HDAC9: variants seen among roughly 807,000 people sequenced by gnomAD.
HDAC9 encodes histone deacetylase 9.
HDAC9 carries 41 observed loss-of-function variants against 139.4 expected under a neutral mutation model. That is an observed-to-expected ratio of 0.29 (90% CI 0.23 to 0.38). The LOEUF (loss-of-function observed/expected upper bound fraction) is 0.38, where lower values mean the gene tolerates loss of function less well. Ranked by LOEUF, HDAC9 falls within the 10% of genes least tolerant of loss-of-function variation. The pLI is 1.00. For synonymous variants in HDAC9, 517 were observed against 476.2 expected (o/e 1.09, Z -1.12); for missense variants, 1,147 against 1,297.0 (o/e 0.88, Z 1.78).
chr7:18,666,080 C>T (rs1454459990), intron 11 of HDAC9, 133 bp from the exon 12 acceptor site: 3 of 986,618 alleles, frequency 3.0e-6, no homozygotes, highest in Non-Finnish European at 2.9e-6. Flanking sequence ...TTGTTGCCTA[C>T]AAGTTCATTC....
At chr7:18,782,351 A>G (rs1245360272) in intron 16 of HDAC9, among the ~76,000 whole-genome samples, 1 of 152,162 alleles carries the variant, frequency 6.6e-6, no homozygotes, top group Non-Finnish European at 1.5e-5. Flanking sequence ...CATTTAGATT[A>G]TACAAAGGAG....
At chr7:18,429,754 A>G (rs142851187) in intron 1 of HDAC9, among the ~76,000 whole-genome samples, 2 of 152,360 alleles carry the variant, frequency 1.3e-5, no homozygotes, top group South Asian at 2.1e-4. Flanking sequence ...CTTTGAAACG[A>G]ATCATCGAAT....
At chr7:18,272,877 G>A (rs1031060026) in intron 2 of HDAC9, among the ~76,000 whole-genome samples, 1 of 151,296 alleles carries the variant, frequency 6.6e-6, no homozygotes, top group African/African-American at 2.4e-5. Context: ...AAAGAATAAA[G>A]TGGGAAGAAT....
At chr7:18,590,595 T>G in intron 4 of HDAC9, 109 bp downstream of exon 4, 2 of 1,111,284 alleles carry the variant, frequency 1.8e-6, no homozygotes, top group Non-Finnish European at 2.5e-6. Flanking sequence ...AAATTATCTG[T>G]GTTTAATTAA....
intron 12 of HDAC9, among the ~76,000 whole-genome samples, chr7:18,680,873 G>A (rs959322499): frequency 1.3e-5 from 2 of 151,886 alleles, no homozygotes; most frequent in African/African-American, 4.8e-5. Context: ...AATTTTGACT[G>A]TTTGTTTAAC....
chr7:18,912,242 T>C (rs1211974548), intron 22 of HDAC9, among the ~76,000 whole-genome samples: 1 of 152,114 alleles, frequency 6.6e-6, no homozygotes, highest in South Asian at 2.1e-4. Context: ...ACCAGCACTA[T>C]AGATGAGCGA....
chr7:18,728,492 G>A (rs1785749456), intron 13 of HDAC9, among the ~76,000 whole-genome samples: 1 of 151,946 alleles, frequency 6.6e-6, no homozygotes, highest in Non-Finnish European at 1.5e-5. Flanking sequence ...GTACATATAT[G>A]CGTGGATAAT....
In HDAC9 at chr7:18,180,226, TACACACACACACACACACACACAC is replaced by T. The variant is rs67304424; in HGVS notation, c.25+17902_25+17925del. On this transcript the variant is annotated intron_variant, in intron 2 of 12. Transcript: ENST00000417496. Reference sequence around the variant, plus strand: ...TTGTGAGCACCCTCCCCAAGACACATACACACACACACACACACACACACACACACACACACACACACACACACC... The same window carrying T: ...TTGTGAGCACCCTCCCCAAGACACATACACACACACACACACACACACACC... Among the ~76,000 whole-genome samples, 414 of 120,702 alleles carry T rather than the reference TACACACACACACACACACACACAC, an allele frequency of 3.4e-3. 3 individuals are homozygous for T. The highest frequency in any genetic ancestry group is 0.014 in the African/African-American group (393 of 28,214). 79.2% of individuals were successfully genotyped at this position (120,702 alleles called of 152,430 possible). A position where few individuals can be genotyped will look rare whatever the true frequency, so the allele number is the denominator to read the frequency against.
chr7:18,993,696 G>A (rs144984468), intron 25 of HDAC9, among the ~76,000 whole-genome samples: 18 of 152,064 alleles, frequency 1.2e-4, no homozygotes, highest in African/African-American at 3.4e-4. Flanking sequence ...TCAGCTATTC[G>A]GGATACTGAG....
intron 6 of HDAC9, among the ~76,000 whole-genome samples, chr7:18,609,640 T>A (rs34687639): frequency 0.12 from 17,659 of 152,008 alleles, 1,092 homozygotes; most frequent in Middle Eastern, 0.22. Flanking sequence ...ATATATATAT[T>A]TTTATTTTAC....
intron 12 of HDAC9, among the ~76,000 whole-genome samples, chr7:18,686,872 T>C (rs556167111): frequency 7.2e-5 from 11 of 152,026 alleles, no homozygotes; most frequent in Non-Finnish European, 1.2e-4. Context: ...TTCATTTCTT[T>C]AATTGCTTAT....
intron 21 of HDAC9, 49 bp downstream of exon 21, chr7:18,836,046 C>T (rs549677275): frequency 3.7e-5 from 37 of 1,012,018 alleles, no homozygotes; most frequent in Non-Finnish European, 5.3e-5. Flanking sequence ...AATAAATGTC[C>T]ATTGAAATAA....
At chr7:18,196,158 A>G (rs760816809) in intron 2 of HDAC9, among the ~76,000 whole-genome samples, 3 of 152,292 alleles carry the variant, frequency 2.0e-5, no homozygotes, top group East Asian at 1.9e-4. Flanking sequence ...AGTGCCTGGC[A>G]CATACAGATT....
At chr7:18,734,805 T>C (rs1406537131) in intron 13 of HDAC9, among the ~76,000 whole-genome samples, 3 of 152,238 alleles carry the variant, frequency 2.0e-5, no homozygotes, top group Non-Finnish European at 2.9e-5. Context: ...CCTTGAGGAA[T>C]CGCCACACTG....
At chr7:18,677,990 T>G (rs1373828943) in intron 12 of HDAC9, among the ~76,000 whole-genome samples, 1 of 151,914 alleles carries the variant, frequency 6.6e-6, no homozygotes, top group East Asian at 1.9e-4. Context: ...TTATATGATG[T>G]GAAGACAGGT....
chr7:18,910,660 C>G (rs553823897), intron 22 of HDAC9, among the ~76,000 whole-genome samples: 3 of 151,774 alleles, frequency 2.0e-5, no homozygotes, highest in Non-Finnish European at 4.4e-5. Flanking sequence ...GTATAGTATT[C>G]ATCACAGTTG....
chr7:18,853,766 A>C (rs1299152015), intron 21 of HDAC9, among the ~76,000 whole-genome samples: 3 of 152,184 alleles, frequency 2.0e-5, no homozygotes, highest in Non-Finnish European at 4.4e-5. Context: ...ATTTACCTAT[A>C]CCTTTACAAC....
chr7:18,625,263 T>G (rs997777587), intron 6 of HDAC9, among the ~76,000 whole-genome samples: 2 of 152,158 alleles, frequency 1.3e-5, no homozygotes, highest in Non-Finnish European at 2.9e-5. Context: ...TCTAATAATC[T>G]CTCTTTTCTT....
intron 1 of HDAC9, among the ~76,000 whole-genome samples, chr7:18,397,021 A>G (rs893028389): frequency 1.3e-5 from 2 of 152,034 alleles, no homozygotes; most frequent in Non-Finnish European, 2.9e-5. Flanking sequence ...AATCCACTCT[A>G]TGTTGGAAAA....
Sources: gnomAD v4.1 joint callset for allele counts (sites outside exome capture counted in the v4.1 genomes callset) on GRCh38, gnomAD v4.1.1 for gene constraint, MANE v1.5 for transcripts, NCBI Gene and HGNC (gene_info 2026-07-23, HGNC 2026-07-21) for gene names.